Variants in CACNA1C observed in about 807,000 individuals in gnomAD.
The protein encoded by CACNA1C is calcium voltage-gated channel subunit alpha1 C.
CACNA1C carries 30 observed loss-of-function variants against 229.0 expected under a neutral mutation model. That is an observed-to-expected ratio of 0.13 (90% CI 0.10 to 0.18). CACNA1C has a LOEUF of 0.18. Among genes scored for constraint, CACNA1C ranks in the 10% least tolerant of loss-of-function variants. The pLI is 1.00. For missense variants in CACNA1C, 1,658 were observed against 2,845.0 expected, an observed-to-expected ratio of 0.58 and a Z score of 9.49; for synonymous variants, 1,114 against 1,132.5, an observed-to-expected ratio of 0.98 and a Z score of 0.33.
chr12:2,393,121 C>T (rs1460062331), intron 3 of CACNA1C, among the ~76,000 whole-genome samples: 3 of 152,166 alleles, frequency 2.0e-5, no homozygotes, highest in African/African-American at 4.8e-5. Context: ...TGTCCTGCCT[C>T]GTAGCTGGAA....
intron 3 of CACNA1C, among the ~76,000 whole-genome samples, chr12:2,164,817 A>G (rs1031079467): frequency 5.9e-5 from 9 of 152,206 alleles, no homozygotes; most frequent in African/African-American, 1.9e-4. Flanking sequence ...TCACAAGGCA[A>G]TGGAGGAATA....
chr12:2,302,460 C>T (rs922984142), intron 3 of CACNA1C, among the ~76,000 whole-genome samples: 6 of 152,016 alleles, frequency 3.9e-5, no homozygotes, highest in African/African-American at 1.5e-4. Context: ...CCATACTGCC[C>T]ATCTTCTTCC....
chr12:2,196,004 G>A (rs1430271984), intron 3 of CACNA1C, among the ~76,000 whole-genome samples: 2 of 152,230 alleles, frequency 1.3e-5, no homozygotes, highest in African/African-American at 2.4e-5. Flanking sequence ...TGCACCAAGT[G>A]TACCATCCCT....
chr12:2,619,737 G>C (rs1031111784), intron 29 of CACNA1C, among the ~76,000 whole-genome samples: 4 of 151,894 alleles, frequency 2.6e-5, no homozygotes, highest in African/African-American at 9.7e-5. Flanking sequence ...CTCTTTGTTT[G>C]TGTGACTTGC....
Position 2,371,878 on chromosome 12 carries a change from T to C in CACNA1C, c.478-77098T>C, listed in dbSNP as rs748600085. Among the ~76,000 whole-genome samples, 68 of 152,226 alleles carry C rather than the reference T, an allele frequency of 4.5e-4. 2 individuals are homozygous for C. Among genetic ancestry groups the C allele is most frequent in the South Asian group, 2.1e-4 (1 of 4,812 alleles). On this transcript the variant is annotated intron_variant, in intron 3 of 46. Transcript: ENST00000399655. ...CCAGGCCAAAGAAATTGATGTTGAG[T>C]ATTAAAAGCCTCTAAGGGGAGCGGA...
chr12:2,577,983 C>T (rs1167488556), intron 13 of CACNA1C, among the ~76,000 whole-genome samples: 2 of 151,486 alleles, frequency 1.3e-5, no homozygotes, highest in Non-Finnish European at 2.9e-5. Context: ...ATTCTCCTGC[C>T]TCAGCCTCCC....
At chr12:2,594,950 A>G (rs1283873691) in intron 19 of CACNA1C, among the ~76,000 whole-genome samples, 2 of 152,218 alleles carry the variant, frequency 1.3e-5, no homozygotes, top group Non-Finnish European at 2.9e-5. Flanking sequence ...ATCTTCAAGC[A>G]ATTCTGCCCT....
chr12:2,076,491 ACTCC>A (rs1185596635), intron 1 of CACNA1C, among the ~76,000 whole-genome samples: 2 of 147,842 alleles, frequency 1.4e-5, no homozygotes, highest in East Asian at 4.0e-4. Context: ...CCCTCGCCTC[ACTCC>A]CTCCCTACCT....
chr12:2,415,447 A>C (rs774754912), intron 3 of CACNA1C, among the ~76,000 whole-genome samples: 23 of 152,242 alleles, frequency 1.5e-4, no homozygotes, highest in African/African-American at 5.5e-4. Flanking sequence ...AGCTGTGATC[A>C]TGAAAAGGAA....
intron 5 of CACNA1C, among the ~76,000 whole-genome samples, chr12:2,461,983 C>A (rs1211097237): frequency 6.6e-6 from 1 of 152,184 alleles, no homozygotes; most frequent in Non-Finnish European, 1.5e-5. Flanking sequence ...TGCTCAGGAC[C>A]CTCCACGGCT....
intron 3 of CACNA1C, among the ~76,000 whole-genome samples, chr12:2,267,751 C>A (rs1199928229): frequency 6.6e-6 from 1 of 152,198 alleles, no homozygotes; most frequent in Non-Finnish European, 1.5e-5. Flanking sequence ...CCTCTCTGAG[C>A]AGGGGGGTTG....
At chr12:1,992,980 C>A in intron 1 of CACNA1C, 1 of 610,182 alleles carries the variant, frequency 1.6e-6, no homozygotes, top group South Asian at 2.0e-5. Context: ...CCCAGCCCTG[C>A]TCAGGCTTAA....
At position 2,678,721 on chromosome 12, in the gene CACNA1C, G is replaced by T. The variant is rs923252048; in HGVS notation, c.5092-723G>T. On this transcript the variant is annotated intron_variant, in intron 41 of 46. Coordinates refer to ENST00000399655, the MANE Select transcript of CACNA1C (RefSeq NM_000719.7). The surrounding 1 kb of genome is among the most constrained non-coding windows in gnomAD (Gnocchi z 4.1). Reference sequence around the variant, plus strand: ...ACATTCGTCACTGAGTGGCCTCAGGGACATGGCATGGTGGTGACACAACCC... The same window carrying T: ...ACATTCGTCACTGAGTGGCCTCAGGTACATGGCATGGTGGTGACACAACCC... Among the ~76,000 whole-genome samples, 8 of 152,190 alleles carry T rather than the reference G, an allele frequency of 5.3e-5. No individual in the cohort carries two copies. The highest frequency in any genetic ancestry group is 1.9e-4 in the African/African-American group (8 of 41,452).
intron 3 of CACNA1C, among the ~76,000 whole-genome samples, chr12:2,328,109 C>T (rs952545054): frequency 3.9e-5 from 6 of 152,222 alleles, no homozygotes; most frequent in South Asian, 2.1e-4. Context: ...GTCAAAGCGG[C>T]AAGGCTGCTG....
chr12:2,544,773 C>T (rs188519766), intron 9 of CACNA1C, among the ~76,000 whole-genome samples: 14 of 152,232 alleles, frequency 9.2e-5, no homozygotes, highest in East Asian at 5.8e-4. Flanking sequence ...GGCGAGAGGT[C>T]GGGTGAATAT....
chr12:2,322,336 T>G (rs2096047462), intron 3 of CACNA1C, among the ~76,000 whole-genome samples: 1 of 152,026 alleles, frequency 6.6e-6, no homozygotes. Context: ...AGCCAGCAGG[T>G]GGACTAAGGG....
chr12:2,103,911 GC>G (rs1337621501), intron 1 of CACNA1C, among the ~76,000 whole-genome samples: 3 of 151,998 alleles, frequency 2.0e-5, no homozygotes, highest in African/African-American at 4.8e-5. Flanking sequence ...ATTTCTGAGG[GC>G]CTCTGTTCTG....
chr12:2,667,846 A>T (rs942187040), intron 37 of CACNA1C, among the ~76,000 whole-genome samples: 1 of 152,172 alleles, frequency 6.6e-6, no homozygotes, highest in African/African-American at 2.4e-5. Flanking sequence ...TCACCGTGTG[A>T]GCTGACAAAT....
intron 5 of CACNA1C, among the ~76,000 whole-genome samples, chr12:2,465,687 A>G (rs577117312): frequency 6.6e-5 from 10 of 152,310 alleles, no homozygotes; most frequent in Middle Eastern, 3.4e-3. Flanking sequence ...AAAACGTTCA[A>G]AAAAACCGCA....
Sources: allele counts gnomAD v4.1 joint callset (sites outside exome capture counted in the v4.1 genomes callset), GRCh38; gene constraint gnomAD v4.1.1; non-coding constraint Gnocchi (gnomAD v3.1); transcripts MANE v1.5; gene names NCBI Gene and HGNC (gene_info 2026-07-23, HGNC 2026-07-21).